GPC6: variants seen among roughly 807,000 people sequenced by gnomAD.
The protein encoded by GPC6 is glypican-6.
A neutral mutation model predicts 55.2 loss-of-function variants in GPC6; 14 were observed. The ratio of observed to expected loss-of-function variants is 0.25; its 90% CI spans 0.17 to 0.40. The LOEUF (loss-of-function observed/expected upper bound fraction) is 0.40, where lower values mean the gene tolerates loss of function less well. GPC6 is among the 10% of genes least tolerant of loss of function. The pLI is 1.00. For synonymous variants in GPC6, 278 were observed against 259.6 expected (o/e 1.07, Z -0.68); for missense variants, 641 against 708.5 (o/e 0.90, Z 1.08).
the GPC6 span, among the ~76,000 whole-genome samples, chr13:93,221,660 C>T: frequency 8.5e-5 from 13 of 152,278 alleles, no homozygotes; most frequent in East Asian, 2.5e-3. Context: ...AAGATTTTCA[C>T]CATTTCTGGT....
At chr13:93,718,654 G>A (rs1266937738) in intron 2 of GPC6, among the ~76,000 whole-genome samples, 1 of 151,918 alleles carries the variant, frequency 6.6e-6, no homozygotes, top group Non-Finnish European at 1.5e-5. Context: ...AATTGCTCTT[G>A]GTGTTTTAGG....
At chr13:93,555,214 T>C (rs763668095) in intron 2 of GPC6, among the ~76,000 whole-genome samples, 2 of 152,212 alleles carry the variant, frequency 1.3e-5, no homozygotes, top group Non-Finnish European at 2.9e-5. Flanking sequence ...CCTTAATGCT[T>C]CTAGAGTTGA....
At chr13:93,448,834 C>T (rs1056627395) in intron 1 of GPC6, among the ~76,000 whole-genome samples, 5 of 152,160 alleles carry the variant, frequency 3.3e-5, no homozygotes, top group African/African-American at 1.2e-4. Context: ...AGAAGACATT[C>T]CTGCTTTCAA....
chr13:93,317,502 C>T (rs1879285349), intron 1 of GPC6, among the ~76,000 whole-genome samples: 1 of 152,110 alleles, frequency 6.6e-6, no homozygotes, highest in African/African-American at 2.4e-5. Context: ...ATTCACACAA[C>T]TTCTCTTTTC....
At chr13:94,349,465 T>C (rs879672678) in intron 6 of GPC6, among the ~76,000 whole-genome samples, 8 of 152,190 alleles carry the variant, frequency 5.3e-5, no homozygotes, top group Middle Eastern at 3.2e-3. Flanking sequence ...ACTTATGGAC[T>C]TACAAAGATA....
At chr13:94,069,902 T>C (rs2138781196) in intron 4 of GPC6, among the ~76,000 whole-genome samples, 1 of 152,298 alleles carries the variant, frequency 6.6e-6, no homozygotes, top group Non-Finnish European at 1.5e-5. Context: ...TGTCTTCTTC[T>C]CAGCCCTCCA....
intron 2 of GPC6, among the ~76,000 whole-genome samples, chr13:93,665,511 T>C (rs1881095898): frequency 6.6e-6 from 1 of 152,152 alleles, no homozygotes; most frequent in African/African-American, 2.4e-5. Flanking sequence ...CATAAACATA[T>C]GTTTAGTGAA....
In GPC6 at chr13:93,783,563, G is replaced by GATCTATCTGTCTATCT. The variant is rs1451708509; in HGVS notation, c.320-46583_320-46582insGTCTATCTATCTATCT. ...TTATTGTATCTCACTGTGGTTTTGA[G>GATCTATCTGTCTATCT]ATCTATCTATCTGTCTATCTATCTA... On this transcript the variant is annotated intron_variant, in intron 2 of 8. Coordinates refer to ENST00000377047, the MANE Select transcript of GPC6 (RefSeq NM_005708.5). 2.6e-3 allele frequency among the ~76,000 whole-genome samples: 366 copies of GATCTATCTGTCTATCT among 138,734 alleles called. 3 individuals carry two copies. The highest frequency in any genetic ancestry group is 9.9e-3 in the African/African-American group (356 of 35,990). The allele number at this position is 138,734 out of a possible 152,430, so 91.0% of individuals were successfully genotyped here.
rs576686734 is a variant in GPC6 at position 93,424,775 on chromosome 13, A to G, written c.161-120488A>G. Among the ~76,000 whole-genome samples the G allele has an allele frequency of 2.6e-5, 4 of 152,214 alleles. No individual in the cohort carries two copies. In the East Asian group the frequency reaches 7.7e-4, roughly 29 times the overall value. ...CGTTTTCATTGAATTATTTTATTCC[A>G]GTTTAGTTTTGCTGTTGGAACTTAA... On this transcript the variant is annotated intron_variant, in intron 1 of 8. Coordinates refer to ENST00000377047, the MANE Select transcript of GPC6 (RefSeq NM_005708.5).
Position 94,021,264 on chromosome 13 carries a change from A to G in GPC6, c.712-6465A>G, listed in dbSNP as rs561087267. ...CTAGGTGTATGTTCATTGTGTGTAT[A>G]TATATATATATATATACTTTTAACT... On this transcript the variant is annotated intron_variant, in intron 3 of 8. Transcript: ENST00000377047. 5.2e-3 allele frequency among the ~76,000 whole-genome samples: 790 copies of G among 150,904 alleles called. 8 individuals carry two copies. The highest frequency in any genetic ancestry group is 0.016 in the African/African-American group (654 of 41,202).
intron 2 of GPC6, among the ~76,000 whole-genome samples, chr13:93,621,604 G>GA (rs1391416407): frequency 6.6e-6 from 1 of 151,988 alleles, no homozygotes; most frequent in South Asian, 2.1e-4. Context: ...TTCAACTTTG[G>GA]AAAAAACAAT....
At chr13:93,988,423 G>C (rs1881131469) in intron 3 of GPC6, among the ~76,000 whole-genome samples, 1 of 152,102 alleles carries the variant, frequency 6.6e-6, no homozygotes, top group Non-Finnish European at 1.5e-5. Context: ...GCTATATAGA[G>C]AAGCACTATA....
At chr13:94,127,030 A>G (rs17175056) in intron 4 of GPC6, among the ~76,000 whole-genome samples, 21,499 of 152,106 alleles carry the variant, frequency 0.14, 1,690 homozygotes, top group South Asian at 0.26. Context: ...TATATGTACT[A>G]GTCATTTTTC....
At chr13:93,989,514 T>G (rs1256220624) in intron 3 of GPC6, among the ~76,000 whole-genome samples, 1 of 152,200 alleles carries the variant, frequency 6.6e-6, no homozygotes, top group African/African-American at 2.4e-5. Flanking sequence ...CCATTCACAG[T>G]GACTTTCTAG....
intron 1 of GPC6, among the ~76,000 whole-genome samples, chr13:93,335,845 A>G (rs1880027021): frequency 6.6e-6 from 1 of 152,088 alleles, no homozygotes; most frequent in East Asian, 1.9e-4. Context: ...ACTACTTTAT[A>G]TTTGTTCTGA....
intron 4 of GPC6, among the ~76,000 whole-genome samples, chr13:94,104,061 C>T (rs918771475): frequency 2.0e-5 from 3 of 152,138 alleles, no homozygotes; most frequent in Non-Finnish European, 4.4e-5. Flanking sequence ...AATTTTTGTA[C>T]AAGGTGTAAG....
intron 1 of GPC6, among the ~76,000 whole-genome samples, chr13:93,454,178 T>TTGTTC (rs1878342992): frequency 6.7e-6 from 1 of 149,280 alleles, no homozygotes; most frequent in Admixed American, 6.7e-5. Flanking sequence ...TTGGTGTGTT[T>TTGTTC]ACAAACCTTG....
At chr13:93,295,179 T>C (rs1279574677) in intron 1 of GPC6, among the ~76,000 whole-genome samples, 1 of 138,646 alleles carries the variant, frequency 7.2e-6, no homozygotes, top group African/African-American at 2.7e-5. Flanking sequence ...GTAGTCCCAG[T>C]AGTCAGGAGG....
chr13:93,499,233 A>G (rs1328662971), intron 1 of GPC6, among the ~76,000 whole-genome samples: 1 of 152,134 alleles, frequency 6.6e-6, no homozygotes, highest in Non-Finnish European at 1.5e-5. Flanking sequence ...TATTAAGGAT[A>G]TGGATTATTG....
Sources: allele counts gnomAD v4.1 joint callset (sites outside exome capture counted in the v4.1 genomes callset), GRCh38; gene constraint gnomAD v4.1.1; transcripts MANE v1.5; gene names NCBI Gene and HGNC (gene_info 2026-07-23, HGNC 2026-07-21).